Variants in SPATA4 observed in about 807,000 individuals in gnomAD.
SPATA4 encodes the protein spermatogenesis associated 4.
Under a neutral mutation model 31.8 loss-of-function variants are expected in SPATA4, and 35 were observed. That is an observed-to-expected ratio of 1.10 (90% CI 0.84 to 1.46). SPATA4 has a LOEUF of 1.46. Among genes scored for constraint, SPATA4 ranks in the 40% most tolerant of loss-of-function variants. The pLI is 0.00. For missense variants in SPATA4, 394 were observed against 363.1 expected (o/e 1.09, Z -0.69); for synonymous variants, 126 against 132.4 (o/e 0.95, Z 0.33).
intron 4 of SPATA4, among the ~76,000 whole-genome samples, chr4:176,191,818 A>G (rs1305626260): frequency 6.6e-6 from 1 of 152,176 alleles, no homozygotes. Context: ...CCATCTCACA[A>G]TTTTAGGAGA....
intron 4 of SPATA4, among the ~76,000 whole-genome samples, chr4:176,191,199 C>A (rs537384641): frequency 2.4e-3 from 366 of 151,466 alleles, no homozygotes; most frequent in Non-Finnish European, 4.4e-3. Context: ...GGGTTCAAGC[C>A]ATTCTCCTGC....
intron 4 of SPATA4, among the ~76,000 whole-genome samples, chr4:176,190,822 TGATTA>T (rs1235799579): frequency 5.3e-5 from 8 of 152,224 alleles, no homozygotes; most frequent in South Asian, 4.1e-4. Flanking sequence ...AGGGTTTGTG[TGATTA>T]GATCAGGTCT....
At position 176,195,422 on chromosome 4, in the gene SPATA4, C is replaced by T; in HGVS notation, c.141G>A (p.Lys47=). The change falls in exon 1 of 6, where the codon AAG becomes AAA. Residue 47 remains lysine, a synonymous_variant. Transcript: ENST00000280191. ...GAACGGAACGAGACAAGCGGGAGCT[C>T]TTCGGCGCATGCGGATAGACCAGAC... ...KKCLVYPHAP[K]SSRLSRSVLR... The T allele has an allele frequency of 6.2e-7, 1 of 1,614,266 alleles. No homozygotes were observed. Among genetic ancestry groups the T allele is most frequent in the Non-Finnish European group, 8.5e-7 (1 of 1,180,042 alleles).
chr4:176,193,479 A>G lies in SPATA4; in HGVS notation c.322T>C (p.Leu108=). The change falls in exon 2 of 6, where the codon TTG becomes CTG. Residue 108 remains leucine (L), a synonymous_variant. Coordinates refer to ENST00000280191, the MANE Select transcript of SPATA4 (RefSeq NM_144644.4). ...TTCTCCAACTGTGCCCAGTTATCCA[A>G]CTTGACTTTTAAAGAGGTCCCGTTT... ...FENGTSLKVK[L]DNWAQLEKFL... is the part of the protein sequence containing the mutation. 6.2e-7 allele frequency: 1 copy of G among 1,613,886 alleles called. No individual in the cohort carries two copies. The highest frequency in any genetic ancestry group is 8.5e-7 in the Non-Finnish European group (1 of 1,179,934).
chr4:176,186,827 G>T (rs1484553249), intron 5 of SPATA4, among the ~76,000 whole-genome samples: 7 of 151,036 alleles, frequency 4.6e-5, no homozygotes, highest in Non-Finnish European at 5.9e-5. Flanking sequence ...AGAAATCATG[G>T]TTTTTTTTTG....
chr4:176,190,052 A>G (rs1752504011), intron 4 of SPATA4, among the ~76,000 whole-genome samples: 1 of 152,300 alleles, frequency 6.6e-6, no homozygotes. Flanking sequence ...ATGGAACAGA[A>G]CAGGACAGGG....
chr4:176,193,117 T>C (rs1055677859), intron 2 of SPATA4, 41 bp from the exon 3 acceptor site: 1 of 1,297,116 alleles, frequency 7.7e-7, no homozygotes. Context: ...ATAAGAACTT[T>C]TATAAAAATC....
At chr4:176,195,301 C>T in intron 1 of SPATA4, 44 bp downstream of exon 1, 1 of 1,600,020 alleles carries the variant, frequency 6.2e-7, no homozygotes, top group Non-Finnish European at 8.6e-7. Flanking sequence ...GGAAAGCAGG[C>T]GGGGCGCCCA....
In SPATA4 at chr4:176,184,825, A is replaced by G. The variant is rs1752414754; in HGVS notation, c.873T>C (p.Tyr291=). 1 of 1,604,276 alleles carries G rather than the reference A, an allele frequency of 6.2e-7. No homozygotes were observed. The highest frequency in any genetic ancestry group is 1.3e-5 in the African/African-American group (1 of 74,520). Residue 291 remains tyrosine (Y), a synonymous_variant, in exon 6 of 6, where the codon TAT becomes TAC. Coordinates refer to ENST00000280191, the MANE Select transcript of SPATA4 (RefSeq NM_144644.4). ...TTCTGATAGGTTTCATAGCAGAGTAATAAGAATGTTGTCCAGCTTGCTTCA... is the reference window on the plus strand; with the variant it reads ...TTCTGATAGGTTTCATAGCAGAGTAGTAAGAATGTTGTCCAGCTTGCTTCA... ...IHVKQAGQHS[Y]YSAMKPIRNM...
chr4:176,195,254 CAGGCCAGGGTAGGCAATCTG>C (rs773236412), intron 1 of SPATA4, 71 bp downstream of exon 1: 15 of 1,288,868 alleles, frequency 1.2e-5, no homozygotes, highest in Non-Finnish European at 1.6e-5. Context: ...AAACATAAGC[CAGGCCAGGGTAGGCAATCTG>C]AGGCCTGGCA....
intron 5 of SPATA4, among the ~76,000 whole-genome samples, chr4:176,186,749 G>A (rs1752446517): frequency 1.3e-5 from 2 of 151,970 alleles, no homozygotes; most frequent in African/African-American, 2.4e-5. Flanking sequence ...ATAGAGTTTG[G>A]AAAACACTTC....
chr4:176,186,154 TAGCAA>T (rs1752437743), intron 5 of SPATA4, among the ~76,000 whole-genome samples: 1 of 152,250 alleles, frequency 6.6e-6, no homozygotes, highest in African/African-American at 2.4e-5. Flanking sequence ...AAATACTCTT[TAGCAA>T]TTCAAATATC....
Position 176,193,022 on chromosome 4 carries a change from G to C in SPATA4, c.403C>G (p.His135Asp), listed in dbSNP as rs766063032. The part of the protein sequence containing the change: ...LPKELIHGTI[H>D]CKAGVPEILI... Reference sequence around the variant, plus strand: ...ATTTCAGGCACTCCAGCTTTACAATGAATTGTTCCATGGATTAGTTCTTTA... The same window carrying C: ...ATTTCAGGCACTCCAGCTTTACAATCAATTGTTCCATGGATTAGTTCTTTA... The change falls in exon 3 of 6, where the codon CAT becomes GAT. Residue 135 changes from histidine to aspartate, a missense_variant. By Grantham distance (81) the His-to-Asp change is moderately conservative. Transcript: ENST00000280191. 101 of 1,610,818 alleles carry C rather than the reference G, an allele frequency of 6.3e-5. No homozygotes were observed. Among genetic ancestry groups the C allele is most frequent in the Non-Finnish European group, 8.2e-5 (97 of 1,179,100 alleles).
intron 5 of SPATA4, 105 bp downstream of exon 5, chr4:176,188,014 T>G: frequency 3.7e-6 from 3 of 808,842 alleles, no homozygotes; most frequent in Non-Finnish European, 6.4e-6. Context: ...GACTGAATGT[T>G]GACCTATACC....
At chr4:176,189,589 C>T (rs959642389) in intron 4 of SPATA4, among the ~76,000 whole-genome samples, 6 of 152,032 alleles carry the variant, frequency 3.9e-5, no homozygotes, top group African/African-American at 4.8e-5. Flanking sequence ...AATTTTAGGA[C>T]TTTACAAAGT....
At chr4:176,193,312 A>T in intron 2 of SPATA4, 141 bp downstream of exon 2, 1 of 1,067,764 alleles carries the variant, frequency 9.4e-7, no homozygotes, top group East Asian at 2.5e-5. Flanking sequence ...GGAATTTAAT[A>T]AACTTTGTAA....
chr4:176,186,375 G>T (rs1380777898), intron 5 of SPATA4, among the ~76,000 whole-genome samples: 3 of 152,104 alleles, frequency 2.0e-5, no homozygotes, highest in Non-Finnish European at 4.4e-5. Flanking sequence ...AAACTTACCT[G>T]CAGTTTCCTT....
In SPATA4 at chr4:176,192,761, G is replaced by A. The variant is rs757850312; in HGVS notation, c.554C>T (p.Ser185Leu). The change falls in exon 4 of 6, where the codon TCG becomes TTG. Residue 185 changes from serine to leucine, a missense_variant. By Grantham distance (145) the Ser-to-Leu change is moderately radical. Coordinates refer to ENST00000280191, the MANE Select transcript of SPATA4 (RefSeq NM_144644.4). Reference protein sequence around the residue: ...RLPLVSRSTVSKSIKDNIRLS... With the variant: ...RLPLVSRSTVLKSIKDNIRLS... ...CCTAATGTTATCTTTAATAGACTTC[G>A]AAACTGTAGACCTGGAAACCAGGGG... is the stretch of plus-strand genomic sequence containing the variant. The A allele has an allele frequency of 1.3e-5, 21 of 1,613,940 alleles. No individual in the cohort carries two copies. The highest frequency in any genetic ancestry group is 5.0e-5 in the Admixed American group (3 of 59,984).
At chr4:176,186,837 G>GT (rs747078276) in intron 5 of SPATA4, among the ~76,000 whole-genome samples, 3 of 147,734 alleles carry the variant, frequency 2.0e-5, no homozygotes, top group South Asian at 2.2e-4. Context: ...GTTTTTTTTT[G>GT]TTTTTTTAAA....
Sources: allele counts gnomAD v4.1 joint callset (sites outside exome capture counted in the v4.1 genomes callset), GRCh38; gene constraint gnomAD v4.1.1; transcripts MANE v1.5; gene names NCBI Gene and HGNC (gene_info 2026-07-23, HGNC 2026-07-21).